Variants in P3H2 observed in about 807,000 individuals in gnomAD.
P3H2 encodes leprecan-like 1.
P3H2 carries 80 observed loss-of-function variants against 87.0 expected under a neutral mutation model. The ratio of observed to expected loss-of-function variants is 0.92; its 90% CI spans 0.77 to 1.11. The LOEUF (loss-of-function observed/expected upper bound fraction) is 1.11, where lower values mean the gene tolerates loss of function less well. Ranked by LOEUF, P3H2 falls within the 50% of genes least tolerant of loss-of-function variation. The pLI is 0.00. For synonymous variants in P3H2, 367 were observed against 359.3 expected (o/e 1.02, Z -0.24); for missense variants, 1,001 against 923.9 (o/e 1.08, Z -1.08).
intron 14 of P3H2, among the ~76,000 whole-genome samples, chr3:189,958,737 CTT>C (rs1722719005): frequency 7.6e-6 from 1 of 131,436 alleles, no homozygotes; most frequent in African/African-American, 2.9e-5. Context: ...GAATTTTGCT[CTT>C]GTTGCCCAGG....
rs933660962 is a variant in P3H2 at position 190,031,568 on chromosome 3, T to C, written c.481-36126A>G. 2.0e-5 allele frequency among the ~76,000 whole-genome samples: 3 copies of C among 151,502 alleles called. No individual in the cohort carries two copies. In the South Asian group the frequency reaches 6.3e-4, roughly 32 times the overall value. On this transcript the variant is annotated intron_variant, in intron 1 of 14. Transcript: ENST00000319332. ...AGGAGAATCACTGGAACCTGGGAGG[T>C]AGAGGCTGCGGTGAGCCAAGATCAC...
Position 190,120,673 on chromosome 3 carries a change from GGCGGCAGTAGCA to G in P3H2, c.47_58del (p.Leu16_Pro19del), listed in dbSNP as rs943988112. 6.6e-7 allele frequency: 1 copy of G among 1,523,022 alleles called. No individual in the cohort carries two copies. The highest frequency in any genetic ancestry group is 1.2e-5 in the South Asian group (1 of 82,330). The allele number at this position is 1,523,022 out of a possible 1,614,324, so 94.3% of individuals were successfully genotyped here. A position where few individuals can be genotyped will look rare whatever the true frequency, so the allele number is the denominator to read the frequency against. ...GTCCGGGGGGCCGCCCCACAGTGGC[GGCGGCAGTAGCA>G]GCGGCAGCAGCAGCAGCAGCGGCGG... On this transcript the variant is annotated inframe_deletion, in exon 1 of 15. Coordinates refer to ENST00000319332, the MANE Select transcript of P3H2 (RefSeq NM_018192.4).
chr3:190,086,670 C>T (rs1727221206), intron 1 of P3H2, among the ~76,000 whole-genome samples: 1 of 152,124 alleles, frequency 6.6e-6, no homozygotes, highest in African/African-American at 2.4e-5. Context: ...GTGGGACACA[C>T]CATACCTCAG....
intron 1 of P3H2, among the ~76,000 whole-genome samples, chr3:190,003,081 T>G (rs1724265805): frequency 2.0e-5 from 3 of 152,226 alleles, no homozygotes; most frequent in African/African-American, 7.2e-5. Context: ...TGGTAAGGAT[T>G]AAATGGAAAT....
chr3:190,049,201 T>G (rs1725897585), intron 1 of P3H2, among the ~76,000 whole-genome samples: 1 of 152,130 alleles, frequency 6.6e-6, no homozygotes, highest in Non-Finnish European at 1.5e-5. Flanking sequence ...AAGATCAGGA[T>G]CGGGGAGTGT....
In P3H2 at chr3:190,088,810, T is replaced by C. The variant is rs941740769; in HGVS notation, c.480+31442A>G. Among the ~76,000 whole-genome samples the C allele has an allele frequency of 3.9e-5, 6 of 152,222 alleles. No homozygotes were observed. In the East Asian group the frequency reaches 1.2e-3, roughly 29 times the overall value. ...AAAAATTTTATGTAGCATTTTTATA[T>C]ATACTACAGCCTTGAAAACAGTTCC... On this transcript the variant is annotated intron_variant, in intron 1 of 14. Coordinates refer to ENST00000319332, the MANE Select transcript of P3H2 (RefSeq NM_018192.4).
intron 7 of P3H2, chr3:189,983,582 G>A (rs1723602079): frequency 6.4e-6 from 1 of 157,284 alleles, no homozygotes; most frequent in Non-Finnish European, 1.4e-5. Flanking sequence ...TTTGTCATAT[G>A]CAAACACACA....
At chr3:189,980,272 T>C (rs1304934726) in intron 8 of P3H2, among the ~76,000 whole-genome samples, 1 of 152,150 alleles carries the variant, frequency 6.6e-6, no homozygotes, top group Non-Finnish European at 1.5e-5. Context: ...CAGATTAAGA[T>C]ATGAAAATGT....
chr3:190,020,064 G>T (rs1039740430), intron 1 of P3H2, among the ~76,000 whole-genome samples: 2 of 132,860 alleles, frequency 1.5e-5, no homozygotes, highest in African/African-American at 5.2e-5. Flanking sequence ...TAATTAGAAA[G>T]GTTCATAGTT....
intron 13 of P3H2, chr3:189,969,452 T>C: frequency 1.1e-6 from 1 of 872,958 alleles, no homozygotes; most frequent in Non-Finnish European, 2.0e-6. Flanking sequence ...CATTGGAATA[T>C]GGCACACTCC....
chr3:189,959,242 TTTTATTTA>T (rs200610953), intron 14 of P3H2, among the ~76,000 whole-genome samples: 150 of 149,664 alleles, frequency 1.0e-3, no homozygotes, highest in African/African-American at 3.3e-3. Context: ...TTTTTTTTTC[TTTTATTTA>T]TTTATTTATT....
At chr3:190,047,974 T>C (rs997243302) in intron 1 of P3H2, among the ~76,000 whole-genome samples, 2 of 152,204 alleles carry the variant, frequency 1.3e-5, no homozygotes, top group Non-Finnish European at 2.9e-5. Context: ...CCTTGTTTTA[T>C]CCTTTTTTTA....
chr3:190,081,559 C>T (rs145865008), intron 1 of P3H2, among the ~76,000 whole-genome samples: 22 of 152,206 alleles, frequency 1.4e-4, no homozygotes, highest in African/African-American at 5.3e-4. Context: ...AAGTGTACTA[C>T]CATCTAGTGT....
intron 1 of P3H2, among the ~76,000 whole-genome samples, chr3:190,081,228 T>C (rs1324780516): frequency 2.0e-5 from 3 of 152,198 alleles, no homozygotes; most frequent in African/African-American, 7.2e-5. Flanking sequence ...GTAGGCAAGG[T>C]AGTTTGACAC....
chr3:190,106,132 T>A (rs771352653), intron 1 of P3H2, among the ~76,000 whole-genome samples: 30 of 152,068 alleles, frequency 2.0e-4, no homozygotes, highest in Admixed American at 3.3e-4. Context: ...AGAGAAGATT[T>A]GGAATGTGTT....
In P3H2 at chr3:189,994,006, C is replaced by T; in HGVS notation, c.823+88G>A. ...GAGTCTTTTATTTTTACAGTATATT[C>T]TTCTATTTTGCTGGAATAGTTTTTT... On this transcript the variant is annotated intron_variant, in intron 3 of 14. Coordinates refer to ENST00000319332, the MANE Select transcript of P3H2 (RefSeq NM_018192.4). 7 of 975,554 alleles carry T rather than the reference C, an allele frequency of 7.2e-6. No homozygotes were observed. In the South Asian group the frequency reaches 8.3e-5, roughly 12 times the overall value. 60.4% of individuals were successfully genotyped at this position (975,554 alleles called of 1,614,324 possible). A position where few individuals can be genotyped will look rare whatever the true frequency, so the allele number is the denominator to read the frequency against.
chr3:190,051,899 G>C (rs751539521), intron 1 of P3H2, among the ~76,000 whole-genome samples: 3 of 152,032 alleles, frequency 2.0e-5, no homozygotes. Context: ...CTCAGGCCTG[G>C]GAATGCCATT....
intron 1 of P3H2, among the ~76,000 whole-genome samples, chr3:190,001,453 C>T (rs2108928336): frequency 6.6e-6 from 1 of 152,306 alleles, no homozygotes; most frequent in East Asian, 1.9e-4. Context: ...CTACTTTCGT[C>T]ACCCTAACTT....
At chr3:190,072,991 G>C (rs1726755112) in intron 1 of P3H2, among the ~76,000 whole-genome samples, 1 of 152,156 alleles carries the variant, frequency 6.6e-6, no homozygotes, top group African/African-American at 2.4e-5. Context: ...TCTGGTATCA[G>C]AGTATCATAT....
Sources: allele counts gnomAD v4.1 joint callset (sites outside exome capture counted in the v4.1 genomes callset), GRCh38; gene constraint gnomAD v4.1.1; transcripts MANE v1.5; gene names NCBI Gene and HGNC (gene_info 2026-07-23, HGNC 2026-07-21).